Variants in KCNIP4 observed in about 807,000 individuals in gnomAD.
KCNIP4 encodes Kv channel-interacting protein 4.
In KCNIP4, 12 loss-of-function variants were observed where a neutral mutation model predicts 34.0. That is an observed-to-expected ratio of 0.35 (90% CI 0.23 to 0.57). The LOEUF (loss-of-function observed/expected upper bound fraction) is 0.57, where lower values mean the gene tolerates loss of function less well. Among genes scored for constraint, KCNIP4 ranks in the 20% least tolerant of loss-of-function variants. The pLI is 0.83. For synonymous variants in KCNIP4, 124 were observed against 102.2 expected (o/e 1.21, Z -1.29); for missense variants, 238 against 311.7 (o/e 0.76, Z 1.78).
chr4:20,872,167 C>T (rs1015515827), intron 2 of KCNIP4, among the ~76,000 whole-genome samples: 2 of 152,092 alleles, frequency 1.3e-5, no homozygotes, highest in Non-Finnish European at 1.5e-5. Context: ...CAGGAACACT[C>T]AATGAAGAAT....
chr4:21,832,740 C>G (rs1380045005), intron 1 of KCNIP4, among the ~76,000 whole-genome samples: 1 of 109,306 alleles, frequency 9.1e-6, no homozygotes, highest in Non-Finnish European at 1.8e-5. Context: ...TCCCTCCCCC[C>G]TCCCCCCACC....
chr4:20,842,400 A>G (rs1719843345), intron 3 of KCNIP4, among the ~76,000 whole-genome samples: 1 of 151,928 alleles, frequency 6.6e-6, no homozygotes, highest in Non-Finnish European at 1.5e-5. Context: ...GTAAATAGGG[A>G]TGAGTGAGGG....
chr4:20,775,606 G>A (rs747535694), intron 3 of KCNIP4, among the ~76,000 whole-genome samples: 14 of 151,884 alleles, frequency 9.2e-5, no homozygotes, highest in Non-Finnish European at 1.9e-4. Flanking sequence ...CTACTCAGGA[G>A]GCTGAGGTGG....
intron 1 of KCNIP4, among the ~76,000 whole-genome samples, chr4:21,306,454 A>G (rs6823440): frequency 0.58 from 87,908 of 151,996 alleles, 25,540 homozygotes; most frequent in Middle Eastern, 0.7. Context: ...ACAGCTCACT[A>G]CAGCCTTAAC....
chr4:21,051,615 A>G (rs1386525935), intron 1 of KCNIP4, among the ~76,000 whole-genome samples: 2 of 152,098 alleles, frequency 1.3e-5, no homozygotes, highest in Non-Finnish European at 2.9e-5. Flanking sequence ...TCAAAATGGC[A>G]GTAAGGAAAA....
chr4:21,147,254 C>T (rs115910289), intron 1 of KCNIP4, among the ~76,000 whole-genome samples: 2 of 152,034 alleles, frequency 1.3e-5, no homozygotes, highest in African/African-American at 4.8e-5. Context: ...GCCCCCACCC[C>T]CAAACCTGGG....
chr4:21,847,679 T>A (rs994311660), intron 1 of KCNIP4: 1 of 152,140 alleles, frequency 6.6e-6, no homozygotes, highest in African/African-American at 2.4e-5. Flanking sequence ...GATTTCTTTC[T>A]TTAGTCTCAG....
At chr4:21,545,682 G>A (rs1738093682) in intron 1 of KCNIP4, among the ~76,000 whole-genome samples, 1 of 152,116 alleles carries the variant, frequency 6.6e-6, no homozygotes, top group Non-Finnish European at 1.5e-5. Context: ...ATGGTTTCCA[G>A]CTTCATCCAT....
intron 1 of KCNIP4, among the ~76,000 whole-genome samples, chr4:21,234,109 CGTATATTATATATA>C (rs1759057024): frequency 3.0e-5 from 3 of 98,880 alleles, no homozygotes; most frequent in African/African-American, 5.3e-5. Flanking sequence ...ACATATATAA[CGTATATTATATATA>C]ACATATATAA....
chr4:21,263,628 C>T (rs1761610687), intron 1 of KCNIP4, among the ~76,000 whole-genome samples: 1 of 152,136 alleles, frequency 6.6e-6, no homozygotes, highest in Admixed American at 6.5e-5. Context: ...TCTAAGACAA[C>T]TTGTATAACT....
At chr4:21,688,906 T>C (rs765468500) in intron 1 of KCNIP4, among the ~76,000 whole-genome samples, 1 of 151,986 alleles carries the variant, frequency 6.6e-6, no homozygotes, top group Non-Finnish European at 1.5e-5. Flanking sequence ...TATTTTACAG[T>C]CCCGTTGCTT....
At chr4:21,028,307 C>G (rs1231726511) in intron 1 of KCNIP4, among the ~76,000 whole-genome samples, 1 of 152,110 alleles carries the variant, frequency 6.6e-6, no homozygotes, top group Non-Finnish European at 1.5e-5. Flanking sequence ...TAGAGTGAAC[C>G]TTTTAAAATA....
Position 21,773,786 on chromosome 4 carries a change from T to A in KCNIP4, c.61+174785A>T, listed in dbSNP as rs141439290. ...TTGTTTGTTTTTGTTTTGTTTACCA[T>A]TTGCTTCATAAATTTTCCTCCATTC... On this transcript the variant is annotated intron_variant, in intron 1 of 8. Transcript: ENST00000382152. Among the ~76,000 whole-genome samples, 1,320 of 151,322 alleles carry A rather than the reference T, an allele frequency of 8.7e-3. 19 individuals are homozygous for A. Among genetic ancestry groups the A allele is most frequent in the South Asian group, 0.039 (187 of 4,792 alleles).
At chr4:21,369,680 T>TA (rs1720135949) in intron 1 of KCNIP4, among the ~76,000 whole-genome samples, 2 of 147,476 alleles carry the variant, frequency 1.4e-5, no homozygotes, top group South Asian at 4.2e-4. Flanking sequence ...AGCACTTACT[T>TA]ACTATCTCAT....
At chr4:21,801,026 T>C (rs1475574372) in intron 1 of KCNIP4, among the ~76,000 whole-genome samples, 1 of 152,148 alleles carries the variant, frequency 6.6e-6, no homozygotes, top group African/African-American at 2.4e-5. Context: ...CTGTGCAAGA[T>C]TTTTTGAGGA....
intron 1 of KCNIP4, among the ~76,000 whole-genome samples, chr4:21,905,223 G>A (rs960815045): frequency 1.3e-5 from 2 of 151,968 alleles, no homozygotes; most frequent in East Asian, 1.9e-4. Context: ...CTCCTTCTAG[G>A]GACCATTCTG....
At chr4:20,744,207 C>T (rs1751878101) in intron 5 of KCNIP4, among the ~76,000 whole-genome samples, 1 of 151,980 alleles carries the variant, frequency 6.6e-6, no homozygotes, top group Non-Finnish European at 1.5e-5. Context: ...CTGGTGACTC[C>T]TCAAGGAGCT....
At chr4:20,863,016 A>G (rs1047696363) in intron 2 of KCNIP4, among the ~76,000 whole-genome samples, 1 of 152,156 alleles carries the variant, frequency 6.6e-6, no homozygotes, top group Non-Finnish European at 1.5e-5. Flanking sequence ...ATAACTAATC[A>G]GTACTAGGCT....
At chr4:20,816,319 T>C (rs1331054587) in intron 3 of KCNIP4, among the ~76,000 whole-genome samples, 1 of 151,170 alleles carries the variant, frequency 6.6e-6, no homozygotes, top group African/African-American at 2.4e-5. Flanking sequence ...ACCATTAAAA[T>C]GTCACATGTT....
Sources: gnomAD v4.1 joint callset for allele counts (sites outside exome capture counted in the v4.1 genomes callset) on GRCh38, gnomAD v4.1.1 for gene constraint, MANE v1.5 for transcripts, NCBI Gene and HGNC (gene_info 2026-07-23, HGNC 2026-07-21) for gene names.